The following CAV1 variants were observed in gnomAD, a reference collection of about 807,000 sequenced individuals.
CAV1 encodes caveolin-1.
In CAV1, 10 loss-of-function variants were observed where a neutral mutation model predicts 16.5. The observed-to-expected ratio is 0.61, with a 90% confidence interval of 0.37 to 1.03. The LOEUF (loss-of-function observed/expected upper bound fraction) is 1.03, where lower values mean the gene tolerates loss of function less well. Ranked by LOEUF, CAV1 falls within the 50% of genes least tolerant of loss-of-function variation. The probability of loss-of-function intolerance (pLI) is 0.01; values close to 1 mark genes in which losing one functional copy is unlikely to be tolerated. For synonymous variants in CAV1, 76 were observed against 85.1 expected (o/e 0.89, Z 0.59); for missense variants, 212 against 232.8 (o/e 0.91, Z 0.58).
At position 116,531,546 on chromosome 7, in the gene CAV1, ATTAT is replaced by A. The variant is rs1254000675; in HGVS notation, c.195+4864_195+4867del. On this transcript the variant is annotated intron_variant, in intron 2 of 2. Coordinates refer to ENST00000341049, the MANE Select transcript of CAV1 (RefSeq NM_001753.5). ...CAGTATAACAGTCATTTATAAAATT[ATTAT>A]TTATTTGATATACATCTAATCAAAG... 3.9e-5 allele frequency among the ~76,000 whole-genome samples: 6 copies of A among 152,336 alleles called. No individual in the cohort carries two copies. The South Asian group carries it at 8.3e-4, about 21-fold the overall frequency.
intron 2 of CAV1, among the ~76,000 whole-genome samples, chr7:116,555,489 A>G (rs142248131): frequency 0.72 from 18,105 of 25,206 alleles, 7,433 homozygotes; most frequent in East Asian, 0.9. Flanking sequence ...GAAAGAAAAG[A>G]AAGAAAGAAA....
intron 2 of CAV1, 99 bp downstream of exon 2, chr7:116,526,788 C>T: frequency 7.4e-7 from 1 of 1,353,158 alleles, no homozygotes; most frequent in Non-Finnish European, 1.0e-6. Context: ...CACACCCCAC[C>T]CCGCCCCCTA....
Position 116,546,697 on chromosome 7 carries a change from C to CAAAAAAAAAAAAAAAA in CAV1, c.196-12247_196-12232dup, listed in dbSNP as rs5886830. ...GGGCAACAAGAATGAGACTCTGTCA[C>CAAAAAAAAAAAAAAAA]AAAAAAAAAAAAAAAAAGTCTGCAG... On this transcript the variant is annotated intron_variant, in intron 2 of 2. Coordinates refer to ENST00000341049, the MANE Select transcript of CAV1 (RefSeq NM_001753.5). Among the ~76,000 whole-genome samples, 500 of 88,044 alleles carry CAAAAAAAAAAAAAAAA rather than the reference C, an allele frequency of 5.7e-3. 9 individuals carry two copies. Among genetic ancestry groups the CAAAAAAAAAAAAAAAA allele is most frequent in the African/African-American group, 8.4e-3 (188 of 22,462 alleles). The allele number at this position is 88,044 out of a possible 152,430, so 57.8% of individuals were successfully genotyped here.
In CAV1 at chr7:116,537,076, T is replaced by A. The variant is rs1271994187; in HGVS notation, c.195+10387T>A. Among the ~76,000 whole-genome samples, 3 of 150,868 alleles carry A rather than the reference T, an allele frequency of 2.0e-5. No individual in the cohort carries two copies. The East Asian group carries it at 5.8e-4, about 29-fold the overall frequency. ...ATGTCTCTTGTTGGTCATTATTTCA[T>A]GGCAGGGGAACTACATATTCTTAAA... On this transcript the variant is annotated intron_variant, in intron 2 of 2. Coordinates refer to ENST00000341049, the MANE Select transcript of CAV1 (RefSeq NM_001753.5).
chr7:116,543,949 T>TC (rs1169362631), intron 2 of CAV1, among the ~76,000 whole-genome samples: 1 of 152,190 alleles, frequency 6.6e-6, no homozygotes, highest in Non-Finnish European at 1.5e-5. Flanking sequence ...AGAGTTTGTT[T>TC]CTCTCTGACT....
At chr7:116,531,719 A>G (rs1354947312) in intron 2 of CAV1, among the ~76,000 whole-genome samples, 3 of 152,192 alleles carry the variant, frequency 2.0e-5, no homozygotes, top group Non-Finnish European at 4.4e-5. Context: ...GGTTTAAAAG[A>G]TCAGATTGTC....
intron 2 of CAV1, among the ~76,000 whole-genome samples, chr7:116,530,058 G>C (rs1224663224): frequency 3.3e-5 from 5 of 152,100 alleles, no homozygotes. Context: ...TAGATGCTTT[G>C]CTATGTAATT....
chr7:116,552,592 C>T (rs1183828527), intron 2 of CAV1, among the ~76,000 whole-genome samples: 1 of 152,154 alleles, frequency 6.6e-6, no homozygotes, highest in Non-Finnish European at 1.5e-5. Context: ...ATGGCAAAAG[C>T]AGCATCTCTT....
chr7:116,559,342 G>T lies in CAV1; in HGVS notation c.*55G>T. On this transcript the variant is annotated 3_prime_UTR_variant, in exon 3 of 3. Transcript: ENST00000341049. ...ATTTTTTTTCCTTTTAATTTTCCTGGTGCCAATTTCAAGTTCCAAGTTGCT... is the reference window on the plus strand; with the variant it reads ...ATTTTTTTTCCTTTTAATTTTCCTGTTGCCAATTTCAAGTTCCAAGTTGCT... The T allele has an allele frequency of 7.3e-7, 1 of 1,366,120 alleles. No individual in the cohort carries two copies. The highest frequency in any genetic ancestry group is 1.0e-6 in the Non-Finnish European group (1 of 965,540). The allele number at this position is 1,366,120 out of a possible 1,614,324, so 84.6% of individuals were successfully genotyped here. A position where few individuals can be genotyped will look rare whatever the true frequency, so the allele number is the denominator to read the frequency against.
At chr7:116,526,764 C>G in intron 2 of CAV1, 75 bp downstream of exon 2, 3 of 1,550,972 alleles carry the variant, frequency 1.9e-6, no homozygotes, top group South Asian at 1.1e-5. Flanking sequence ...CCTTCTTTAG[C>G]ATTGCCGTGT....
intron 2 of CAV1, among the ~76,000 whole-genome samples, chr7:116,557,561 G>A (rs916406632): frequency 6.6e-6 from 1 of 152,158 alleles, no homozygotes; most frequent in African/African-American, 2.4e-5. Context: ...TTTACAGAGG[G>A]ATAAAACTTC....
intron 2 of CAV1, among the ~76,000 whole-genome samples, chr7:116,532,545 A>T (rs1245140309): frequency 6.6e-6 from 1 of 152,250 alleles, no homozygotes; most frequent in South Asian, 2.1e-4. Context: ...CACCCTGGAG[A>T]CCTTGCATAT....
At chr7:116,555,237 G>A (rs986460777) in intron 2 of CAV1, among the ~76,000 whole-genome samples, 8 of 151,696 alleles carry the variant, frequency 5.3e-5, no homozygotes, top group Non-Finnish European at 7.4e-5. Context: ...GAGCTCAGGC[G>A]TTCAACATCA....
intron 2 of CAV1, among the ~76,000 whole-genome samples, chr7:116,544,937 G>A (rs546675352): frequency 1.8e-4 from 27 of 152,192 alleles, no homozygotes; most frequent in African/African-American, 5.8e-4. Context: ...TGTCCTGGTC[G>A]TTTCCTCATT....
rs1381465797 is a variant in CAV1, at chr7:116,559,325, TC to T, written c.*40del. ...GGATAGAAGTATACCTGATTTTTTT[TC>T]CTTTTAATTTTCCTGGTGCCAATTT... On this transcript the variant is annotated 3_prime_UTR_variant, in exon 3 of 3. Transcript: ENST00000341049. 1.3e-6 allele frequency: 2 copies of T among 1,524,856 alleles called. No homozygotes were observed. The highest frequency in any genetic ancestry group is 4.5e-5 in the East Asian group (2 of 43,986). 94.5% of individuals were successfully genotyped at this position (1,524,856 alleles called of 1,614,324 possible).
At chr7:116,544,041 C>T (rs114626668) in intron 2 of CAV1, among the ~76,000 whole-genome samples, 1 of 152,258 alleles carries the variant, frequency 6.6e-6, no homozygotes, top group African/African-American at 2.4e-5. Context: ...TGAAGGTAAA[C>T]ATGAAGGCGT....
rs781452741 is a variant in CAV1, at chr7:116,558,992, T to C, written c.242T>C (p.Phe81Ser). The change falls in exon 3 of 3, where the codon TTT becomes TCT. Residue 81 changes from phenylalanine (F) to serine (S), a missense_variant. Coordinates refer to ENST00000341049, the MANE Select transcript of CAV1 (RefSeq NM_001753.5). ...GCAGAACCAGAAGGGACACACAGTT[T>C]TGACGGCATTTGGAAGGCCAGCTTC... Reference protein sequence around the residue: ...VIAEPEGTHSFDGIWKASFTT... With the variant: ...VIAEPEGTHSSDGIWKASFTT... The C allele has an allele frequency of 6.2e-7, 1 of 1,613,950 alleles. No individual in the cohort carries two copies. Among genetic ancestry groups the C allele is most frequent in the Non-Finnish European group, 8.5e-7 (1 of 1,179,924 alleles).
chr7:116,559,264 A>G lies in CAV1; in HGVS notation c.514A>G (p.Ile172Val). ...AVGKIFSNVR[I>V]NLQKEI is the part of the protein sequence containing the mutation. ...TGGGAAAATATTCAGCAATGTCCGC[A>G]TCAACTTGCAGAAAGAAATATAAAT... The change falls in exon 3 of 3, where the codon ATC becomes GTC. Residue 172 changes from isoleucine (I) to valine (V), a missense_variant. Ile to Val is a conservative substitution (Grantham distance 29). Transcript: ENST00000341049. The G allele has an allele frequency of 6.2e-7, 1 of 1,612,998 alleles. No homozygotes were observed. The highest frequency in any genetic ancestry group is 2.2e-5 in the East Asian group (1 of 44,880).
intron 2 of CAV1, among the ~76,000 whole-genome samples, chr7:116,551,366 T>A (rs902962341): frequency 6.6e-6 from 1 of 152,240 alleles, no homozygotes; most frequent in African/African-American, 2.4e-5. Flanking sequence ...TTCAGGTATA[T>A]GAGCTGATAT....
Sources: allele counts gnomAD v4.1 joint callset (sites outside exome capture counted in the v4.1 genomes callset), GRCh38; gene constraint gnomAD v4.1.1; transcripts MANE v1.5; gene names NCBI Gene and HGNC (gene_info 2026-07-23, HGNC 2026-07-21).